The following CFAP47 variants were observed in gnomAD, a reference collection of about 807,000 sequenced individuals.
The protein encoded by CFAP47 is cilia- and flagella-associated protein 47.
A neutral mutation model predicts 148.1 loss-of-function variants in CFAP47; 29 were observed. The ratio of observed to expected loss-of-function variants is 0.20; its 90% CI spans 0.15 to 0.27. The LOEUF (loss-of-function observed/expected upper bound fraction) is 0.27. Ranked by LOEUF, CFAP47 falls within the 10% of genes least tolerant of loss-of-function variation. The pLI, the probability that CFAP47 is intolerant of heterozygous loss-of-function variation, is 1.00. For synonymous variants in CFAP47, 664 were observed against 577.3 expected, an observed-to-expected ratio of 1.15 and a Z score of -2.15; for missense variants, 1,872 against 1,697.5, an observed-to-expected ratio of 1.10 and a Z score of -1.81.
chrX:35,959,673 G>A (rs1478192883), intron 8 of CFAP47, among the ~76,000 whole-genome samples: 1 of 110,088 alleles, frequency 9.1e-6, no homozygotes, highest in East Asian at 2.9e-4. Flanking sequence ...TGGGTGTGGT[G>A]TCACGTGCCT....
chrX:35,923,631 C>T, intron 1 of CFAP47, among the ~76,000 whole-genome samples: 1 of 109,181 alleles, frequency 9.2e-6, no homozygotes, highest in South Asian at 4.0e-4. Context: ...ATCATCCTGG[C>T]CAACATGGTG....
At chrX:36,288,573 T>C (rs1268204858) in intron 51 of CFAP47, among the ~76,000 whole-genome samples, 1 of 112,618 alleles carries the variant, frequency 8.9e-6, no homozygotes, top group Non-Finnish European at 1.9e-5. Flanking sequence ...AATTGCATGA[T>C]CATTTATTTC....
chrX:36,172,644 G>A (rs1490518689), intron 39 of CFAP47, among the ~76,000 whole-genome samples: 1 of 111,119 alleles, frequency 9.0e-6, no homozygotes, highest in Non-Finnish European at 1.9e-5. Flanking sequence ...TCCCAGGGAT[G>A]AAGCCCACTT....
At chrX:35,980,250 AC>A (rs2146674157) in intron 15 of CFAP47, among the ~76,000 whole-genome samples, 1 of 111,691 alleles carries the variant, frequency 9.0e-6, no homozygotes, top group African/African-American at 3.3e-5. Context: ...TCTTTCCCAT[AC>A]CCCTGATATA....
At position 36,193,633 on chromosome X, in the gene CFAP47, C is replaced by A. The variant is rs781804772; in HGVS notation, c.6321+3437C>A. ...TGAAGCATTTGTTAACCTCATAAAG[C>A]CTGCTGCCAATATGGGGGCAGGTTA... On this transcript the variant is annotated intron_variant, in intron 42 of 63. Coordinates refer to ENST00000378653, the MANE Select transcript of CFAP47 (RefSeq NM_001304548.2). Among the ~76,000 whole-genome samples, 8 of 110,997 alleles carry A rather than the reference C, an allele frequency of 7.2e-5. No homozygotes were observed. The East Asian group carries it at 1.7e-3, about 24-fold the overall frequency.
At chrX:36,282,491 T>C (rs1941089640) in intron 50 of CFAP47, among the ~76,000 whole-genome samples, 1 of 111,603 alleles carries the variant, frequency 9.0e-6, no homozygotes, top group Non-Finnish European at 1.9e-5. Flanking sequence ...AGGAAAAATG[T>C]ACCTGACAAC....
intron 1 of CFAP47, among the ~76,000 whole-genome samples, chrX:35,923,482 C>T (rs1206696425): frequency 9.0e-6 from 1 of 110,754 alleles, no homozygotes. Context: ...TTTATTTTTC[C>T]TCCAAGTTAT....
chrX:36,248,407 A>G (rs1463249634), intron 48 of CFAP47, among the ~76,000 whole-genome samples: 1 of 104,511 alleles, frequency 9.6e-6, no homozygotes, highest in Non-Finnish European at 1.9e-5. Flanking sequence ...ATATTATATT[A>G]TATATTATGA....
At chrX:35,949,096 G>A (rs751079097) in intron 4 of CFAP47, among the ~76,000 whole-genome samples, 1 of 105,646 alleles carries the variant, frequency 9.5e-6, no homozygotes, top group Non-Finnish European at 1.9e-5. Flanking sequence ...GCCATCACCA[G>A]TATTTTTAAC....
At position 36,043,628 on chromosome X, in the gene CFAP47, G is replaced by A. The variant is rs1254742008; in HGVS notation, c.4008-3226G>A. 4.4e-5 allele frequency among the ~76,000 whole-genome samples: 5 copies of A among 112,980 alleles called. No homozygotes were observed. In the East Asian group the frequency reaches 1.4e-3, roughly 32 times the overall value. On this transcript the variant is annotated intron_variant, in intron 25 of 63. Transcript: ENST00000378653. The stretch of plus-strand genomic sequence containing the variant: ...CCAAGGCATGCTGATGCAAAGGGTG[G>A]GCTCCCACACCCTTGGCCAGCTCTG...
At chrX:36,001,748 G>C in intron 21 of CFAP47, 41 bp downstream of exon 21, 1 of 284,199 alleles carries the variant, frequency 3.5e-6, no homozygotes. Context: ...TGCAGTTATG[G>C]GTATTCCGAA....
At chrX:36,233,516 G>A (rs782404032) in intron 46 of CFAP47, among the ~76,000 whole-genome samples, 39 of 111,214 alleles carry the variant, frequency 3.5e-4, no homozygotes, top group South Asian at 2.3e-3. Flanking sequence ...GTCTCTGCCC[G>A]TGAGATGGGT....
At chrX:36,177,967 G>T (rs1283174184) in intron 39 of CFAP47, among the ~76,000 whole-genome samples, 3 of 111,805 alleles carry the variant, frequency 2.7e-5, no homozygotes, top group African/African-American at 9.8e-5. Context: ...TAAAGAAAAC[G>T]TGGTACATAT....
rs192048177 is a variant in CFAP47, at chrX:36,267,724, C to T, written c.7445-12763C>T. ...TGATCTCCTGACCTCATGATCCACC[C>T]GCCTTGGCCTCCCAAAGTGCTGGGA... On this transcript the variant is annotated intron_variant, in intron 49 of 63. Coordinates refer to ENST00000378653, the MANE Select transcript of CFAP47 (RefSeq NM_001304548.2). Among the ~76,000 whole-genome samples the T allele has an allele frequency of 6.0e-3, 666 of 111,619 alleles. 9 individuals carry two copies. Among genetic ancestry groups the T allele is most frequent in the African/African-American group, 0.02 (611 of 30,744 alleles).
intron 2 of CFAP47, among the ~76,000 whole-genome samples, chrX:35,937,105 T>G (rs944529712): frequency 3.5e-4 from 15 of 42,429 alleles, no homozygotes; most frequent in Admixed American, 1.4e-3. Flanking sequence ...GCAATTGCTG[T>G]TTTTTTTTTT....
rs182852985 is a variant in CFAP47 at position 35,981,140 on chromosome X, A to G, written c.2713+5227A>G. Among the ~76,000 whole-genome samples, 3 of 109,913 alleles carry G rather than the reference A, an allele frequency of 2.7e-5. No individual in the cohort carries two copies. The Admixed American group carries it at 3.0e-4, about 11-fold the overall frequency. ...AAAGTTATGTAAGAGTAACAGTTCT[A>G]TAAACAGCGTAAAGGAGGAAATAAT... On this transcript the variant is annotated intron_variant, in intron 15 of 63. Coordinates refer to ENST00000378653, the MANE Select transcript of CFAP47 (RefSeq NM_001304548.2).
Position 36,087,991 on chromosome X carries a change from C to T in CFAP47, c.4916+2453C>T, listed in dbSNP as rs984613567. ...AGATAAACTCTTCTTGCTGTGTCCT[C>T]ATGTGGTTTTTCCTCTGTGTACCCA... is the stretch of plus-strand genomic sequence containing the variant. On this transcript the variant is annotated intron_variant, in intron 30 of 63. Coordinates refer to ENST00000378653, the MANE Select transcript of CFAP47 (RefSeq NM_001304548.2). Among the ~76,000 whole-genome samples the T allele has an allele frequency of 2.7e-5, 3 of 111,561 alleles. No individual in the cohort carries two copies. In the Admixed American group the frequency reaches 2.9e-4, roughly 11 times the overall value.
At chrX:35,990,568 T>C (rs1936777159) in intron 16 of CFAP47, among the ~76,000 whole-genome samples, 1 of 111,597 alleles carries the variant, frequency 9.0e-6, no homozygotes, top group Non-Finnish European at 1.9e-5. Flanking sequence ...AGTAGACTTC[T>C]AGTAGAAACA....
intron 2 of CFAP47, among the ~76,000 whole-genome samples, chrX:35,939,129 G>A (rs1935960753): frequency 9.0e-6 from 1 of 111,083 alleles, no homozygotes; most frequent in Admixed American, 9.6e-5. Flanking sequence ...TACCGAATGA[G>A]ATAGTAAAAT....
Sources: gnomAD v4.1 joint callset for allele counts (sites outside exome capture counted in the v4.1 genomes callset) on GRCh38, gnomAD v4.1.1 for gene constraint, MANE v1.5 for transcripts, NCBI Gene and HGNC (gene_info 2026-07-23, HGNC 2026-07-21) for gene names.